KCNH5: variants seen among roughly 807,000 people sequenced by gnomAD.
KCNH5 encodes the protein potassium voltage-gated channel subfamily H member 5.
Under a neutral mutation model 96.1 loss-of-function variants are expected in KCNH5, and 46 were observed. The ratio of observed to expected loss-of-function variants is 0.48; its 90% CI spans 0.38 to 0.61. The LOEUF is 0.61. Ranked by LOEUF, KCNH5 falls within the 20% of genes least tolerant of loss-of-function variation. KCNH5 has a pLI of 0.00. For synonymous variants in KCNH5, 439 were observed against 449.8 expected, an observed-to-expected ratio of 0.98 and a Z score of 0.30; for missense variants, 907 against 1,225.8, an observed-to-expected ratio of 0.74 and a Z score of 3.88.
At position 63,038,260 on chromosome 14, in the gene KCNH5, G is replaced by A. The variant is rs539135948; in HGVS notation, c.73+6854C>T. On this transcript the variant is annotated intron_variant, in intron 1 of 10. Transcript: ENST00000322893. ...AAAATCAAAAAAGCATTTATTCAAC[G>A]AATACTTACTGCTATGTGCTCTGCA... Among the ~76,000 whole-genome samples, 7 of 152,258 alleles carry A rather than the reference G, an allele frequency of 4.6e-5. No individual in the cohort carries two copies. The South Asian group carries it at 6.2e-4, about 14-fold the overall frequency.
At chr14:62,713,565 G>T (rs1319388017) in intron 10 of KCNH5, among the ~76,000 whole-genome samples, 1 of 152,144 alleles carries the variant, frequency 6.6e-6, no homozygotes, top group Non-Finnish European at 1.5e-5. Context: ...GAGAGTATAG[G>T]CACTGATTTT....
intron 8 of KCNH5, among the ~76,000 whole-genome samples, chr14:62,822,668 G>GAA (rs60393982): frequency 0.06 from 8,123 of 135,544 alleles, 576 homozygotes; most frequent in African/African-American, 0.18. Context: ...TACGTAAAAT[G>GAA]AAAAAAAAAA....
At chr14:62,735,652 G>A (rs943210264) in intron 10 of KCNH5, among the ~76,000 whole-genome samples, 5 of 152,068 alleles carry the variant, frequency 3.3e-5, no homozygotes, top group Non-Finnish European at 7.4e-5. Flanking sequence ...TCTGGCCAAT[G>A]CCACTGTTAT....
intron 7 of KCNH5, among the ~76,000 whole-genome samples, chr14:62,912,849 C>T (rs1889197444): frequency 3.9e-5 from 6 of 152,190 alleles, no homozygotes; most frequent in Admixed American, 3.9e-4. Context: ...TTTTTTAACA[C>T]TGAAGAAATT....
intron 7 of KCNH5, among the ~76,000 whole-genome samples, chr14:62,909,401 A>T (rs765434619): frequency 1.3e-5 from 2 of 152,192 alleles, no homozygotes; most frequent in Non-Finnish European, 2.9e-5. Context: ...AAGAACAGAA[A>T]GTTCTCACAC....
chr14:62,890,893 A>C (rs984152831), intron 7 of KCNH5, among the ~76,000 whole-genome samples: 2 of 151,888 alleles, frequency 1.3e-5, no homozygotes. Context: ...ATTATTAAAA[A>C]GTCAAAAAAT....
intron 10 of KCNH5, among the ~76,000 whole-genome samples, chr14:62,771,962 G>A (rs941088487): frequency 9.2e-5 from 14 of 152,026 alleles, no homozygotes; most frequent in East Asian, 7.7e-4. Flanking sequence ...AGGGAAACCC[G>A]CTTGATTATA....
chr14:63,024,213 A>AAAAAAAAAAAAAAAAAAAAAAAATATAT, intron 1 of KCNH5, among the ~76,000 whole-genome samples: 1 of 139,978 alleles, frequency 7.1e-6, no homozygotes, highest in East Asian at 2.1e-4. Context: ...CATCTCAAAA[A>AAAAAAAAAAAAAAAAAAAAAAAATATAT]ATATATATAT....
chr14:63,018,650 A>T (rs564427366), intron 1 of KCNH5, among the ~76,000 whole-genome samples: 1 of 152,200 alleles, frequency 6.6e-6, no homozygotes, highest in East Asian at 1.9e-4. Flanking sequence ...TAAAAAATGT[A>T]GAAATTAGAC....
intron 10 of KCNH5, among the ~76,000 whole-genome samples, chr14:62,724,194 T>C (rs890509895): frequency 6.6e-6 from 1 of 152,196 alleles, no homozygotes; most frequent in Non-Finnish European, 1.5e-5. Flanking sequence ...CACCCCCAAT[T>C]TGATAACTTC....
intron 8 of KCNH5, among the ~76,000 whole-genome samples, chr14:62,815,928 A>T (rs1886968697): frequency 6.6e-6 from 1 of 151,962 alleles, no homozygotes. Flanking sequence ...TAGGTCACAG[A>T]GTAGTAAATG....
chr14:62,773,932 G>A (rs1886043119), intron 10 of KCNH5, among the ~76,000 whole-genome samples: 1 of 152,094 alleles, frequency 6.6e-6, no homozygotes, highest in African/African-American at 2.4e-5. Flanking sequence ...CAATATATCT[G>A]CTGATTTGAG....
chr14:62,950,067 T>G, intron 7 of KCNH5, 66 bp downstream of exon 7: 1 of 1,386,078 alleles, frequency 7.2e-7, no homozygotes, highest in Non-Finnish European at 1.0e-6. Flanking sequence ...TTTCATCCTA[T>G]CTGAGATTGT....
chr14:63,010,871 T>A (rs1335907757), intron 2 of KCNH5, among the ~76,000 whole-genome samples: 2 of 152,184 alleles, frequency 1.3e-5, no homozygotes, highest in African/African-American at 4.8e-5. Context: ...CATAACCTAT[T>A]CATGAGTTCC....
At chr14:62,877,905 T>C (rs897591134) in intron 7 of KCNH5, among the ~76,000 whole-genome samples, 7 of 151,790 alleles carry the variant, frequency 4.6e-5, no homozygotes, top group African/African-American at 1.5e-4. Flanking sequence ...CGTATGTTTA[T>C]TGCGGCACTA....
intron 1 of KCNH5, among the ~76,000 whole-genome samples, chr14:63,036,224 G>C (rs541977259): frequency 6.6e-6 from 1 of 152,252 alleles, no homozygotes; most frequent in South Asian, 2.1e-4. Flanking sequence ...CTGACCTGTA[G>C]TTCTTTCTTT....
At chr14:62,841,989 G>A (rs1162254185) in intron 8 of KCNH5, among the ~76,000 whole-genome samples, 3 of 152,162 alleles carry the variant, frequency 2.0e-5, no homozygotes, top group Non-Finnish European at 4.4e-5. Context: ...AGAGTGATGA[G>A]AAAATGAAAT....
At chr14:62,997,905 AAAAAAAAAAAAAAAATT>A (rs1890938733) in intron 4 of KCNH5, among the ~76,000 whole-genome samples, 1 of 149,990 alleles carries the variant, frequency 6.7e-6, no homozygotes, top group African/African-American at 2.5e-5. Flanking sequence ...ATCTCAAAAA[AAAAAAAAAAAAAAAATT>A]AAAAAAAAAA....
At chr14:62,997,269 T>C (rs1890921739) in intron 4 of KCNH5, among the ~76,000 whole-genome samples, 1 of 152,084 alleles carries the variant, frequency 6.6e-6, no homozygotes, top group Non-Finnish European at 1.5e-5. Flanking sequence ...TACAAGAGGC[T>C]GGGAAGGGTA....
Sources: allele counts gnomAD v4.1 joint callset (sites outside exome capture counted in the v4.1 genomes callset), GRCh38; gene constraint gnomAD v4.1.1; transcripts MANE v1.5; gene names NCBI Gene and HGNC (gene_info 2026-07-23, HGNC 2026-07-21).